The following FRMD5 variants were observed in gnomAD, a reference collection of about 807,000 sequenced individuals.
FRMD5 encodes the protein FERM domain-containing protein 5.
FRMD5 carries 20 observed loss-of-function variants against 69.0 expected under a neutral mutation model. That is an observed-to-expected ratio of 0.29 (90% CI 0.20 to 0.42). FRMD5 has a LOEUF of 0.42. Among genes scored for constraint, FRMD5 ranks in the 10% least tolerant of loss-of-function variants. FRMD5 has a pLI of 1.00. For synonymous variants in FRMD5, 271 were observed against 260.1 expected, an observed-to-expected ratio of 1.04 and a Z score of -0.40; for missense variants, 595 against 708.6, an observed-to-expected ratio of 0.84 and a Z score of 1.82.
chr15:43,918,352 A>G (rs1222519035), intron 4 of FRMD5, among the ~76,000 whole-genome samples: 1 of 152,212 alleles, frequency 6.6e-6, no homozygotes, highest in Admixed American at 6.5e-5. Flanking sequence ...TGAAACCAGA[A>G]GGTGGAGGTT....
At chr15:44,196,436 G>C (rs1025745570), upstream of FRMD5, among the ~76,000 whole-genome samples, 1 of 151,726 alleles carries the variant, frequency 6.6e-6, no homozygotes, top group African/African-American at 2.4e-5. Flanking sequence ...TTGCACTCCA[G>C]CCTGGGGGAC....
intron 13 of FRMD5, chr15:43,879,832 G>A (rs887717560): frequency 7.6e-6 from 3 of 394,432 alleles, no homozygotes; most frequent in African/African-American, 2.1e-5. Flanking sequence ...GCAGTGCCTC[G>A]CGTGTTGCAG....
intron 1 of FRMD5, among the ~76,000 whole-genome samples, chr15:44,039,512 T>C (rs1892091457): frequency 1.3e-5 from 2 of 152,160 alleles, no homozygotes; most frequent in South Asian, 4.1e-4. Flanking sequence ...CAGCCTCCAC[T>C]GGTAATACTC....
chr15:44,107,220 C>T, intron 1 of FRMD5, among the ~76,000 whole-genome samples: 1 of 152,084 alleles, frequency 6.6e-6, no homozygotes, highest in East Asian at 1.9e-4. Flanking sequence ...GGGATACAAC[C>T]TTAACCATAG....
chr15:44,038,520 C>CTTTTTTTTTTTTTTTTTT (rs71111834), intron 1 of FRMD5, among the ~76,000 whole-genome samples: 1 of 63,196 alleles, frequency 1.6e-5, no homozygotes, highest in African/African-American at 5.7e-5. Context: ...CTAGCCAGAG[C>CTTTTTTTTTTTTTTTTTT]TTTTTTTTTT....
chr15:43,986,130 A>G (rs1422954128), intron 1 of FRMD5, among the ~76,000 whole-genome samples: 2 of 152,238 alleles, frequency 1.3e-5, no homozygotes, highest in Non-Finnish European at 2.9e-5. Flanking sequence ...CACAACATAA[A>G]TAACAGATGT....
chr15:44,156,580 CA>C (rs1320834454), intron 1 of FRMD5, among the ~76,000 whole-genome samples: 1 of 152,184 alleles, frequency 6.6e-6, no homozygotes, highest in Non-Finnish European at 1.5e-5. Flanking sequence ...GAGGTTCACA[CA>C]TTTGACTTTT....
chr15:43,875,983 C>T, intron 13 of FRMD5: 3 of 1,399,370 alleles, frequency 2.1e-6, no homozygotes, highest in Non-Finnish European at 3.0e-6. Context: ...ACCATGGACC[C>T]TCTGGTCATC....
At chr15:44,080,790 T>C (rs918411731) in intron 1 of FRMD5, among the ~76,000 whole-genome samples, 61 of 152,238 alleles carry the variant, frequency 4.0e-4, no homozygotes, top group African/African-American at 1.4e-3. Context: ...TTGAACTGAA[T>C]TGAGTCCTAG....
intron 8 of FRMD5, among the ~76,000 whole-genome samples, chr15:43,889,722 A>G (rs975238042): frequency 2.0e-5 from 3 of 152,172 alleles, no homozygotes; most frequent in African/African-American, 7.2e-5. Flanking sequence ...CCATGGAACT[A>G]GGCCTCAGCA....
chr15:44,126,981 CTAA>C (rs1169769556), intron 1 of FRMD5, among the ~76,000 whole-genome samples: 1 of 152,204 alleles, frequency 6.6e-6, no homozygotes, highest in East Asian at 1.9e-4. Flanking sequence ...TACTTTGATC[CTAA>C]TGAATGTTCA....
chr15:43,910,166 T>G (rs2089259547), intron 4 of FRMD5, among the ~76,000 whole-genome samples, 187 bp from the exon 5 acceptor site: 1 of 152,204 alleles, frequency 6.6e-6, no homozygotes, highest in South Asian at 2.1e-4. Flanking sequence ...TACTTTGCCC[T>G]GAACTGACTT....
chr15:43,972,664 T>C (rs901680983), intron 1 of FRMD5, among the ~76,000 whole-genome samples: 2 of 152,166 alleles, frequency 1.3e-5, no homozygotes. Context: ...CCTATACAAC[T>C]GTACAGTCCT....
intron 5 of FRMD5, among the ~76,000 whole-genome samples, chr15:43,907,079 C>T (rs924453730): frequency 4.6e-5 from 7 of 152,134 alleles, no homozygotes; most frequent in South Asian, 2.1e-4. Context: ...GCTTTTTCCA[C>T]GTGAAGCTCT....
intron 1 of FRMD5, among the ~76,000 whole-genome samples, chr15:44,091,370 A>G (rs2076470969): frequency 6.6e-6 from 1 of 151,942 alleles, no homozygotes; most frequent in African/African-American, 2.4e-5. Context: ...ACGCACATGC[A>G]CACACACACA....
At chr15:44,026,899 CAGT>C (rs1891451816) in intron 1 of FRMD5, among the ~76,000 whole-genome samples, 1 of 152,176 alleles carries the variant, frequency 6.6e-6, no homozygotes, top group Non-Finnish European at 1.5e-5. Context: ...CATTGTCTAC[CAGT>C]TCTTTTGCTT....
chr15:43,896,571 CA>C (rs1255167969), intron 7 of FRMD5, among the ~76,000 whole-genome samples: 1 of 152,210 alleles, frequency 6.6e-6, no homozygotes, highest in African/African-American at 2.4e-5. Flanking sequence ...TCACTCTGCC[CA>C]GGAAAGGATT....
intron 2 of FRMD5, among the ~76,000 whole-genome samples, chr15:43,923,537 G>A (rs906065246): frequency 2.6e-5 from 4 of 152,186 alleles, no homozygotes; most frequent in African/African-American, 4.8e-5. Flanking sequence ...TATAGGTGAA[G>A]GCTCTGTAAA....
chr15:44,158,036 T>C (rs940526740), intron 1 of FRMD5, among the ~76,000 whole-genome samples: 1 of 152,148 alleles, frequency 6.6e-6, no homozygotes, highest in Non-Finnish European at 1.5e-5. Flanking sequence ...CGGAACTGGA[T>C]TTTAAATAGT....
Sources: allele counts gnomAD v4.1 joint callset (sites outside exome capture counted in the v4.1 genomes callset), GRCh38; gene constraint gnomAD v4.1.1; transcripts MANE v1.5; gene names NCBI Gene and HGNC (gene_info 2026-07-23, HGNC 2026-07-21).